The following DAB2IP variants were observed in gnomAD, a reference collection of about 807,000 sequenced individuals.
DAB2IP encodes disabled homolog 2-interacting protein.
Under a neutral mutation model 107.2 loss-of-function variants are expected in DAB2IP, and 28 were observed. The ratio of observed to expected loss-of-function variants is 0.26; its 90% CI spans 0.19 to 0.36. The LOEUF is 0.36. DAB2IP is among the 10% of genes least tolerant of loss of function. The pLI, the probability that DAB2IP is intolerant of heterozygous loss-of-function variation, is 1.00. For missense variants in DAB2IP, 1,400 were observed against 1,644.7 expected (o/e 0.85, Z 2.57); for synonymous variants, 755 against 706.4 (o/e 1.07, Z -1.09).
In DAB2IP at chr9:121,699,262, C is replaced by A. The variant is rs1829620601; in HGVS notation, c.229-63C>A. ...GCAAGGGTGCGGGTCCCGCGCGGGT[C>A]CCGGCCCGCCGCCGCCGCGCTAACC... On this transcript the variant is annotated intron_variant, in intron 2 of 15. Coordinates refer to ENST00000408936, the Ensembl canonical transcript of DAB2IP. The surrounding 1 kb of genome is among the most constrained non-coding windows in gnomAD (Gnocchi z 6.2). 9 of 1,250,260 alleles carry A rather than the reference C, an allele frequency of 7.2e-6. No homozygotes were observed. In the South Asian group the frequency reaches 1.3e-4, roughly 18 times the overall value. The allele number at this position is 1,250,260 out of a possible 1,614,324, so 77.4% of individuals were successfully genotyped here.
rs114212757 is a variant in DAB2IP, at chr9:121,699,642, G to A, written c.362+184G>A. ...CTAGGGGGCCCGAGGGGAGGACCCT[G>A]TGCCTCCCTCCGGGGTTAGGTGAGT... On this transcript the variant is annotated intron_variant, in intron 3 of 15. Transcript: ENST00000408936. This position sits in a 1 kb window ranked among gnomAD's most constrained non-coding sequence, Gnocchi z 6.2. Among the ~76,000 whole-genome samples the A allele has an allele frequency of 3.5e-3, 539 of 152,146 alleles. 1 individual carries two copies. The highest frequency in any genetic ancestry group is 0.012 in the African/African-American group (498 of 41,556).
At chr9:121,749,430 A>G (rs989993152) in intron 3 of DAB2IP, among the ~76,000 whole-genome samples, 1 of 152,216 alleles carries the variant, frequency 6.6e-6, no homozygotes, top group Non-Finnish European at 1.5e-5. Context: ...TGAGGCCTAG[A>G]GAGTCTGCTG....
chr9:121,646,258 G>A (rs1484506817), intron 1 of DAB2IP, among the ~76,000 whole-genome samples: 1 of 152,228 alleles, frequency 6.6e-6, no homozygotes, highest in East Asian at 1.9e-4. Context: ...CGGTGGCAGT[G>A]GTGGTCGCCT....
chr9:121,613,702 G>A lies in DAB2IP; in HGVS notation c.40+46474G>A, dbSNP rs146262233. 6.6e-4 allele frequency among the ~76,000 whole-genome samples: 101 copies of A among 152,290 alleles called. 1 individual carries two copies. In the East Asian group the frequency reaches 0.016, roughly 24 times the overall value. ...TTTGGGCAACTTCTCGCAAACTCGC[G>A]GAGGGATAGTTGAAAAGGCTCCCTT... On this transcript the variant is annotated intron_variant, in intron 1 of 16. Coordinates refer to the DAB2IP transcript ENST00000259371.
At chr9:121,711,451 T>G (rs952645158) in intron 3 of DAB2IP, among the ~76,000 whole-genome samples, 1 of 152,238 alleles carries the variant, frequency 6.6e-6, no homozygotes, top group Admixed American at 6.5e-5. Context: ...TGAGAGGTCC[T>G]GCAATGAAGA....
At position 121,773,070 on chromosome 9, in the gene DAB2IP, G is replaced by A; in HGVS notation, c.2542G>A (p.Asp848Asn). Residue 848 changes from aspartate (D) to asparagine (N), a missense_variant, in exon 12 of 16, where the codon GAC (aspartate) becomes AAC (asparagine). Asp to Asn is a conservative substitution (Grantham distance 23). Coordinates refer to ENST00000408936, the Ensembl canonical transcript of DAB2IP. The stretch of plus-strand genomic sequence containing the variant: ...GCCGCTGTCACCCCGTGGCCTTGGC[G>A]ACTCAGGCTCTGAGGGCCACAGCTC... 1.2e-6 allele frequency: 2 copies of A among 1,612,512 alleles called. No individual in the cohort carries two copies. Among genetic ancestry groups the A allele is most frequent in the Non-Finnish European group, 1.7e-6 (2 of 1,179,870 alleles).
chr9:121,649,513 GGA>G (rs1187341834), upstream of DAB2IP, among the ~76,000 whole-genome samples: 1 of 102,760 alleles, frequency 9.7e-6, no homozygotes, highest in Non-Finnish European at 2.5e-5. Flanking sequence ...AGGGAGGGCT[GGA>G]ACCTGGCTGA....
intron 1 of DAB2IP, among the ~76,000 whole-genome samples, chr9:121,607,767 G>T (rs1201462812): frequency 6.6e-6 from 1 of 152,220 alleles, no homozygotes; most frequent in Non-Finnish European, 1.5e-5. Flanking sequence ...CTCTTAAGAG[G>T]GGAGGGGAGG....
chr9:121,615,807 G>C (rs1414841828), intron 1 of DAB2IP, among the ~76,000 whole-genome samples: 1 of 151,902 alleles, frequency 6.6e-6, no homozygotes, highest in South Asian at 2.1e-4. Flanking sequence ...TATATTTTTA[G>C]TAGAGACAGG....
intron 1 of DAB2IP, among the ~76,000 whole-genome samples, chr9:121,587,413 G>A (rs1363842770): frequency 1.3e-5 from 2 of 152,078 alleles, no homozygotes; most frequent in African/African-American, 4.8e-5. Flanking sequence ...TTCAAGACCA[G>A]CCTGACCAAC....
intron 3 of DAB2IP, among the ~76,000 whole-genome samples, chr9:121,752,713 T>C (rs1249727953): frequency 1.3e-5 from 2 of 152,180 alleles, no homozygotes; most frequent in Non-Finnish European, 2.9e-5. Flanking sequence ...AGCCAGTGGC[T>C]CAGAGTGCCA....
In DAB2IP at chr9:121,748,915, G is replaced by A. The variant is rs77213630; in HGVS notation, c.363-8098G>A. Among the ~76,000 whole-genome samples, 985 of 152,318 alleles carry A rather than the reference G, an allele frequency of 6.5e-3. 7 individuals are homozygous for A. Among genetic ancestry groups the A allele is most frequent in the African/African-American group, 0.023 (948 of 41,576 alleles). On this transcript the variant is annotated intron_variant, in intron 3 of 15. Transcript: ENST00000408936. ...GTCTCCCTGTCTCACAGCCCAGGGC[G>A]TTCTGTGTGTATGGGGGCGTCACAA...
intron 15 of DAB2IP, among the ~76,000 whole-genome samples, chr9:121,781,985 C>G (rs1254059711): frequency 6.6e-6 from 1 of 152,188 alleles, no homozygotes; most frequent in Non-Finnish European, 1.5e-5. Context: ...TTCACTCACC[C>G]AGGAGTAGGC....
At position 121,631,970 on chromosome 9, in the gene DAB2IP, G is replaced by A. The variant is rs996809603; in HGVS notation, c.41-46708G>A. On this transcript the variant is annotated intron_variant, in intron 1 of 16. Coordinates refer to the DAB2IP transcript ENST00000259371. ...GACGATGGGAGAGGATGGGCGGGAG[G>A]CTGGGTGGCCATCGTTGACACCTTG... 9.5e-4 allele frequency among the ~76,000 whole-genome samples: 145 copies of A among 152,272 alleles called. 2 individuals carry two copies. The highest frequency in any genetic ancestry group is 3.7e-4 in the Non-Finnish European group (25 of 68,018).
intron 1 of DAB2IP, among the ~76,000 whole-genome samples, chr9:121,621,923 G>A (rs1481334805): frequency 6.6e-6 from 1 of 150,496 alleles, no homozygotes; most frequent in Non-Finnish European, 1.5e-5. Context: ...CCAAAGTGTT[G>A]GGATTACAGA....
chr9:121,578,624 C>G (rs1353517219), intron 1 of DAB2IP, among the ~76,000 whole-genome samples: 1 of 151,168 alleles, frequency 6.6e-6, no homozygotes, highest in Non-Finnish European at 1.5e-5. Flanking sequence ...TATGAGGACC[C>G]CCCCATCGAC....
chr9:121,652,502 C>T (rs935470153), intron 1 of DAB2IP, among the ~76,000 whole-genome samples: 5 of 152,076 alleles, frequency 3.3e-5, no homozygotes, highest in African/African-American at 4.8e-5. Context: ...CGTGTGATCC[C>T]GGGGGCTGCG....
chr9:121,626,128 C>G (rs879312770), intron 1 of DAB2IP, among the ~76,000 whole-genome samples: 2 of 152,114 alleles, frequency 1.3e-5, no homozygotes, highest in African/African-American at 2.4e-5. Context: ...TGAGTGGCCC[C>G]AGAGAGATGT....
rs751440231 is a variant in DAB2IP, at chr9:121,773,302, C to T, written c.2774C>T (p.Pro925Leu). ...ATCGACCAGCCTCCGCCCCCACCCC[C>T]GCCGCCACCTCCTGCCCCCCGCGGC... is the stretch of plus-strand genomic sequence containing the variant. The change falls in exon 12 of 16, where the codon CCG becomes CTG. Residue 925 changes from proline (P) to leucine (L), a missense_variant. Coordinates refer to ENST00000408936, the Ensembl canonical transcript of DAB2IP. 21 of 1,517,782 alleles carry T rather than the reference C, an allele frequency of 1.4e-5. No homozygotes were observed. The highest frequency in any genetic ancestry group is 2.2e-4 in the Middle Eastern group (1 of 4,486). 94.0% of individuals were successfully genotyped at this position (1,517,782 alleles called of 1,614,324 possible).
Sources: gnomAD v4.1 joint callset for allele counts (sites outside exome capture counted in the v4.1 genomes callset) on GRCh38, gnomAD v4.1.1 for gene constraint, Gnocchi (gnomAD v3.1) non-coding constraint, MANE v1.5 for transcripts, NCBI Gene and HGNC (gene_info 2026-07-23, HGNC 2026-07-21) for gene names.